LRP1B: variants seen among roughly 807,000 people sequenced by gnomAD.
LRP1B encodes LDL receptor related protein 1B.
A neutral mutation model predicts 556.6 loss-of-function variants in LRP1B; 217 were observed. The observed-to-expected ratio is 0.39, with a 90% CI of 0.35 to 0.44. The LOEUF is 0.44. LRP1B is among the 20% of genes least tolerant of loss of function. The probability of loss-of-function intolerance (pLI) is 1.00; values close to 1 mark genes in which losing one functional copy is unlikely to be tolerated. For synonymous variants in LRP1B, 2,047 were observed against 1,865.8 expected (o/e 1.10, Z -2.50); for missense variants, 5,053 against 5,620.8 (o/e 0.90, Z 3.23).
Position 141,192,170 on chromosome 2 carries a change from TAA to T in LRP1B, c.851-3589_851-3588del, listed in dbSNP as rs564875381. 1.4e-3 allele frequency among the ~76,000 whole-genome samples: 210 copies of T among 152,034 alleles called. 1 individual carries two copies. The highest frequency in any genetic ancestry group is 4.3e-3 in the African/African-American group (177 of 41,540). ...CTTTTAATTTAATTTGTATTAGAAT[TAA>T]AGAGTTGAGGCAATTAGACAAAGAG... On this transcript the variant is annotated intron_variant, in intron 6 of 90. Transcript: ENST00000389484.
At chr2:141,721,687 G>A (rs897409143) in intron 2 of LRP1B, among the ~76,000 whole-genome samples, 1 of 152,068 alleles carries the variant, frequency 6.6e-6, no homozygotes, top group African/African-American at 2.4e-5. Flanking sequence ...TAAGCAAAAC[G>A]ATATACTTGT....
At chr2:140,860,828 G>T (rs1692765057) in intron 27 of LRP1B, among the ~76,000 whole-genome samples, 1 of 152,046 alleles carries the variant, frequency 6.6e-6, no homozygotes, top group Non-Finnish European at 1.5e-5. Context: ...AGGACACAGA[G>T]AAAAATGACA....
At chr2:140,458,618 A>C (rs1232941989) in intron 60 of LRP1B, among the ~76,000 whole-genome samples, 1 of 152,092 alleles carries the variant, frequency 6.6e-6, no homozygotes, top group Non-Finnish European at 1.5e-5. Flanking sequence ...TTAATGAGAA[A>C]AGGTACTATA....
intron 88 of LRP1B, 79 bp downstream of exon 88, chr2:140,239,363 A>G: frequency 4.4e-6 from 4 of 911,210 alleles, no homozygotes; most frequent in Non-Finnish European, 1.7e-6. Flanking sequence ...GTTTAAAAAA[A>G]TTAACAACAA....
chr2:141,398,235 G>A (rs1381290631), intron 3 of LRP1B, among the ~76,000 whole-genome samples: 2 of 152,030 alleles, frequency 1.3e-5, no homozygotes, highest in Non-Finnish European at 2.9e-5. Context: ...AATAATATTT[G>A]GCCATTCAGC....
At chr2:141,108,385 G>A (rs1406999724) in intron 7 of LRP1B, among the ~76,000 whole-genome samples, 1 of 66,262 alleles carries the variant, frequency 1.5e-5, no homozygotes, top group South Asian at 5.0e-4. Context: ...TTTCACTCTT[G>A]TTGCCCAGGC....
chr2:141,035,162 A>T (rs1355338714), intron 11 of LRP1B, among the ~76,000 whole-genome samples: 2 of 151,804 alleles, frequency 1.3e-5, no homozygotes, highest in Non-Finnish European at 2.9e-5. Flanking sequence ...CAATGAGAAC[A>T]CATGGACACA....
chr2:141,002,030 C>T (rs1482920124), intron 15 of LRP1B, among the ~76,000 whole-genome samples: 2 of 152,000 alleles, frequency 1.3e-5, no homozygotes, highest in South Asian at 2.1e-4. Context: ...ATGCTTAATC[C>T]CTGCCTGTTG....
At chr2:140,343,120 A>G (rs1415676279) in intron 77 of LRP1B, among the ~76,000 whole-genome samples, 3 of 151,580 alleles carry the variant, frequency 2.0e-5, no homozygotes, top group African/African-American at 7.3e-5. Context: ...ATAAGCATAG[A>G]TCAAAATAAG....
chr2:140,541,221 AT>A (rs1377268988), intron 44 of LRP1B, 123 bp from the exon 45 acceptor site: 4 of 845,332 alleles, frequency 4.7e-6, no homozygotes, highest in Non-Finnish European at 7.2e-6. Context: ...AAAAAGGAAC[AT>A]TCAGGATTTT....
intron 1 of LRP1B, among the ~76,000 whole-genome samples, chr2:142,053,402 A>G (rs988350290): frequency 3.3e-5 from 5 of 152,156 alleles, no homozygotes; most frequent in African/African-American, 1.2e-4. Context: ...CAGCTATAAA[A>G]TACAACTCTT....
intron 2 of LRP1B, among the ~76,000 whole-genome samples, chr2:141,614,183 A>G (rs1688215228): frequency 6.6e-6 from 1 of 151,850 alleles, no homozygotes; most frequent in South Asian, 2.1e-4. Flanking sequence ...GAGGAGGTAA[A>G]TGCTGCATAA....
At chr2:140,422,020 A>T (rs1018255642) in intron 66 of LRP1B, among the ~76,000 whole-genome samples, 6 of 152,244 alleles carry the variant, frequency 3.9e-5, no homozygotes, top group Non-Finnish European at 7.3e-5. Flanking sequence ...TTGTACACTA[A>T]TCAAGCACAG....
intron 18 of LRP1B, among the ~76,000 whole-genome samples, chr2:140,967,437 G>A (rs929716781): frequency 3.9e-5 from 6 of 151,992 alleles, no homozygotes; most frequent in African/African-American, 1.5e-4. Flanking sequence ...AGGAGATTTT[G>A]GGCTGAGATC....
chr2:141,871,858 G>C (rs1698597681), intron 1 of LRP1B, among the ~76,000 whole-genome samples: 1 of 151,894 alleles, frequency 6.6e-6, no homozygotes, highest in African/African-American at 2.4e-5. Context: ...TCAACCTATA[G>C]TTACAAATAA....
chr2:141,322,672 T>TA, intron 3 of LRP1B, among the ~76,000 whole-genome samples: 1 of 151,776 alleles, frequency 6.6e-6, no homozygotes, highest in Non-Finnish European at 1.5e-5. Context: ...GGAAAAAGAG[T>TA]AAAAACTAAG....
In LRP1B at chr2:141,188,528, A is replaced by G. The variant is rs777896417; in HGVS notation, c.906T>C (p.His302=). Residue 302 remains histidine, a synonymous_variant, in exon 7 of 91, where the codon CAT becomes CAC. Transcript: ENST00000389484. ...TACAAACAAAGATCCGGTCACCGAC[A>G]TGGTCCACAAAATAGAGATTTCGAG... ...WLTRNLYFVD[H]VGDRIFVCNS... 81 of 1,612,758 alleles carry G rather than the reference A, an allele frequency of 5.0e-5. No individual in the cohort carries two copies. The highest frequency in any genetic ancestry group is 6.6e-5 in the Non-Finnish European group (78 of 1,179,270).
At chr2:141,832,956 C>T (rs2105748285) in intron 1 of LRP1B, among the ~76,000 whole-genome samples, 1 of 151,838 alleles carries the variant, frequency 6.6e-6, no homozygotes, top group South Asian at 2.1e-4. Flanking sequence ...TCAAATTCTA[C>T]ATATTTTATT....
In LRP1B at chr2:140,922,937, A is replaced by G. The variant is rs528208318; in HGVS notation, c.3319+28T>C. 114 of 1,601,310 alleles carry G rather than the reference A, an allele frequency of 7.1e-5. 1 individual carries two copies. The South Asian group carries it at 1.2e-3, about 17-fold the overall frequency. On this transcript the variant is annotated intron_variant, in intron 21 of 90. Coordinates refer to ENST00000389484, the MANE Select transcript of LRP1B (RefSeq NM_018557.3). ...AGGACTCCACACTCAGGGAGACCCAATAGAAGCCAAAAGCAATGTTCACTT... is the reference window on the plus strand; with the variant it reads ...AGGACTCCACACTCAGGGAGACCCAGTAGAAGCCAAAAGCAATGTTCACTT...
Sources: allele counts gnomAD v4.1 joint callset (sites outside exome capture counted in the v4.1 genomes callset), GRCh38; gene constraint gnomAD v4.1.1; transcripts MANE v1.5; gene names NCBI Gene and HGNC (gene_info 2026-07-23, HGNC 2026-07-21).